MICAL1: variants seen among roughly 807,000 people sequenced by gnomAD.
MICAL1 encodes microtubule associated monooxygenase, calponin and LIM domain containing 1.
Under a neutral mutation model 131.8 loss-of-function variants are expected in MICAL1, and 95 were observed. That is an observed-to-expected ratio of 0.72 (90% CI 0.61 to 0.86). The LOEUF is 0.86. Among genes scored for constraint, MICAL1 ranks in the 40% least tolerant of loss-of-function variants. The probability of loss-of-function intolerance (pLI) is 0.00; values close to 1 mark genes in which losing one functional copy is unlikely to be tolerated. For missense variants in MICAL1, 1,292 were observed against 1,380.6 expected (o/e 0.94, Z 1.02); for synonymous variants, 546 against 554.2 (o/e 0.99, Z 0.21).
At chr6:109,449,375 C>G in intron 11 of MICAL1, 25 bp downstream of exon 11, 10 of 1,613,946 alleles carry the variant, frequency 6.2e-6, no homozygotes, top group Non-Finnish European at 8.5e-6. Context: ...ATTTTGGTCA[C>G]CCCTTGGGAG....
rs572038876 is a variant in MICAL1 at position 109,449,231 on chromosome 6, G to A, written c.1516+169C>T. The A allele has an allele frequency of 3.5e-5, 27 of 763,060 alleles. No individual in the cohort carries two copies. In the East Asian group the frequency reaches 4.8e-4, roughly 14 times the overall value. The allele number at this position is 763,060 out of a possible 1,614,324, so 47.3% of individuals were successfully genotyped here. A position where few individuals can be genotyped will look rare whatever the true frequency, so the allele number is the denominator to read the frequency against. On this transcript the variant is annotated intron_variant, in intron 11 of 24. Coordinates refer to ENST00000358807, the MANE Select transcript of MICAL1 (RefSeq NM_022765.4). ...ACTGGCAGCCAACTGCTGCCTGTGC[G>A]GTGCTGCCCCTCCGTTCCTCCAGCA...
chr6:109,457,454 C>A (rs1054110818), upstream of MICAL1, among the ~76,000 whole-genome samples: 30 of 152,222 alleles, frequency 2.0e-4, no homozygotes, highest in African/African-American at 7.0e-4. Flanking sequence ...GAAGCTATGT[C>A]TTGTTTAGAG....
chr6:109,453,230 G>A, intron 4 of MICAL1, 33 bp downstream of exon 4: 5 of 1,542,616 alleles, frequency 3.2e-6, no homozygotes, highest in Non-Finnish European at 1.8e-6. Flanking sequence ...TGATGGGGGA[G>A]GGGGAGATTC....
chr6:109,449,421 C>A lies in MICAL1; in HGVS notation c.1495G>T (p.Asp499Tyr). ...EPVQRNNDKTDTGMPATGSAG... is the reference protein window; with the variant it reads ...EPVQRNNDKTYTGMPATGSAG... ...TCACCGGTGGCTGGCATCCCTGTAT[C>A]TGTCTTGTCGTTGTTCCTCTGCACA... Residue 499 changes from aspartate (D) to tyrosine (Y), a missense_variant, in exon 11 of 25, where the codon GAT becomes TAT. Physicochemically the swap from Asp to Tyr is radical, Grantham distance 160. Transcript: ENST00000358807. 1 of 1,614,214 alleles carries A rather than the reference C, an allele frequency of 6.2e-7. No homozygotes were observed. The highest frequency in any genetic ancestry group is 2.2e-5 in the East Asian group (1 of 44,884).
rs1361920068 is a variant in MICAL1 at position 109,455,425 on chromosome 6, C to A, written c.-44+294G>T. ...GAGGGTGGAAGGAGGAAGACCTCGGCGAAAGGGGAGAAAGGAGCGACCCAG... is the reference window on the plus strand; with the variant it reads ...GAGGGTGGAAGGAGGAAGACCTCGGAGAAAGGGGAGAAAGGAGCGACCCAG... On this transcript the variant is annotated intron_variant, in intron 1 of 24. Transcript: ENST00000358807. This position sits in a 1 kb window ranked among gnomAD's most constrained non-coding sequence, Gnocchi z 4.7. 6.6e-6 allele frequency among the ~76,000 whole-genome samples: 1 copy of A among 152,000 alleles called. No homozygotes were observed. The highest frequency in any genetic ancestry group is 1.5e-5 in the Non-Finnish European group (1 of 67,996).
chr6:109,445,151 G>C lies in MICAL1; in HGVS notation c.2881+46C>G, dbSNP rs199576263. The C allele has an allele frequency of 1.9e-6, 3 of 1,606,954 alleles. No homozygotes were observed. In the East Asian group the frequency reaches 6.7e-5, roughly 36 times the overall value. On this transcript the variant is annotated intron_variant, in intron 22 of 24. Transcript: ENST00000358807. ...CTCCTACGGGCTGGAGCGTGGAGCT[G>C]AACACAGTGCTAGAAGGCAGAGGGG...
chr6:109,445,605 A>AC, intron 20 of MICAL1, 76 bp from the exon 21 acceptor site: 1 of 1,574,780 alleles, frequency 6.4e-7, no homozygotes, highest in Non-Finnish European at 8.7e-7. Context: ...GAAAGGCAGA[A>AC]AATAACCCGT....
At chr6:109,457,544 A>G (rs1437263404), upstream of MICAL1, among the ~76,000 whole-genome samples, 1 of 29,982 alleles carries the variant, frequency 3.3e-5, no homozygotes, top group Admixed American at 3.3e-4. Context: ...TCCAGAGACC[A>G]TAAGAGATCC....
At position 109,448,890 on chromosome 6, in the gene MICAL1, A is replaced by G. The variant is rs748917266; in HGVS notation, c.1517-11T>C. On this transcript the variant is annotated splice_polypyrimidine_tract_variant and intron_variant, in intron 11 of 24. Coordinates refer to ENST00000358807, the MANE Select transcript of MICAL1 (RefSeq NM_022765.4). ...GGGTGCCTGCCGACCCTGGGAAAGA[A>G]GGCTGTGCTGTGCCCAAGGCCCCCT... 19 of 1,612,688 alleles carry G rather than the reference A, an allele frequency of 1.2e-5. No homozygotes were observed. The Admixed American group carries it at 3.2e-4, about 27-fold the overall frequency.
At chr6:109,462,148 A>G (rs1775904112) in intron 1 of MICAL1, among the ~76,000 whole-genome samples, 1 of 152,266 alleles carries the variant, frequency 6.6e-6, no homozygotes. Context: ...GAGGACATTA[A>G]TGTGGGCTGA....
At chr6:109,452,746 A>G (rs1775596989) in intron 4 of MICAL1, 131 bp from the exon 5 acceptor site, 1 of 649,034 alleles carries the variant, frequency 1.5e-6, no homozygotes, top group East Asian at 2.8e-5. Context: ...TATATTATCT[A>G]TCAGATTACA....
Position 109,455,351 on chromosome 6 carries a change from G to C in MICAL1, c.-44+368C>G, listed in dbSNP as rs530748027. On this transcript the variant is annotated intron_variant, in intron 1 of 24. Coordinates refer to ENST00000358807, the MANE Select transcript of MICAL1 (RefSeq NM_022765.4). The surrounding 1 kb of genome is among the most constrained non-coding windows in gnomAD (Gnocchi z 4.7). The stretch of plus-strand genomic sequence containing the variant: ...CTCCCGCTGCGGGTGGCCCGGACGA[G>C]GGCAGACGGAATCTCATGACGGAAG... 5.5e-3 allele frequency among the ~76,000 whole-genome samples: 830 copies of C among 152,292 alleles called. 5 individuals carry two copies. Among genetic ancestry groups the C allele is most frequent in the Non-Finnish European group, 7.0e-3 (479 of 68,012 alleles).
Position 109,449,774 on chromosome 6 carries a change from C to G in MICAL1, c.1317G>C (p.Leu439=). Residue 439 remains leucine (L), a synonymous_variant, in exon 10 of 25, where the codon CTG becomes CTC. Transcript: ENST00000358807. ...GGGATGTCTGTGACAGAAGCTGGTA[C>G]AGGCTCTCACTGAGGGGGTGAGGGT... ...SLEVLAERES[L]YQLLSQTSPE... 6.2e-7 allele frequency: 1 copy of G among 1,608,838 alleles called. No homozygotes were observed. The highest frequency in any genetic ancestry group is 2.2e-5 in the East Asian group (1 of 44,866).
chr6:109,448,987 A>C (rs1582644188), intron 11 of MICAL1, 108 bp from the exon 12 acceptor site: 1 of 1,424,808 alleles, frequency 7.0e-7, no homozygotes. Flanking sequence ...GGAGTCAGGG[A>C]CCCACCTCTA....
chr6:109,444,104 G>A lies in MICAL1; in HGVS notation c.*87C>T. On this transcript the variant is annotated 3_prime_UTR_variant, in exon 25 of 25. Coordinates refer to ENST00000358807, the MANE Select transcript of MICAL1 (RefSeq NM_022765.4). Reference sequence around the variant, plus strand: ...TTAATTGTAAACAGCAAGGCTCTCTGCCAGGCAGCCCAGATGAACAGGGGT... The same window carrying A: ...TTAATTGTAAACAGCAAGGCTCTCTACCAGGCAGCCCAGATGAACAGGGGT... 5 of 1,534,744 alleles carry A rather than the reference G, an allele frequency of 3.3e-6. No homozygotes were observed. Among genetic ancestry groups the A allele is most frequent in the South Asian group, 1.2e-5 (1 of 83,200 alleles).
chr6:109,450,916 C>T (rs1241049175), intron 7 of MICAL1, among the ~76,000 whole-genome samples: 3 of 152,172 alleles, frequency 2.0e-5, no homozygotes, highest in Non-Finnish European at 4.4e-5. Flanking sequence ...AAATTTAACT[C>T]TCAACACAGT....
upstream of MICAL1, among the ~76,000 whole-genome samples, chr6:109,458,688 A>ATCC (rs1185443961): frequency 6.6e-6 from 1 of 152,142 alleles, no homozygotes; most frequent in Non-Finnish European, 1.5e-5. Flanking sequence ...TTACGACAGG[A>ATCC]TCCTCCTTCC....
At chr6:109,459,204 G>T (rs1051991206), upstream of MICAL1, among the ~76,000 whole-genome samples, 1 of 152,180 alleles carries the variant, frequency 6.6e-6, no homozygotes, top group African/African-American at 2.4e-5. Context: ...CAGAGACACG[G>T]TCATATTTAT....
rs2277113 is a variant in MICAL1 at position 109,454,233 on chromosome 6, T to C, written c.-37A>G. ...GGGGAGGGCAGCAGCTGGGCAGAGA[T>C]GAGTGGCTGGAGAGGTGGAAAAAGA... On this transcript the variant is annotated 5_prime_UTR_variant, in exon 2 of 25. Coordinates refer to ENST00000358807, the MANE Select transcript of MICAL1 (RefSeq NM_022765.4). 692,962 of 1,561,416 alleles carry C rather than the reference T, an allele frequency of 0.44. 158,194 individuals carry two copies. The highest frequency in any genetic ancestry group is 0.71 in the African/African-American group (52,520 of 73,484).
Sources: allele counts gnomAD v4.1 joint callset (sites outside exome capture counted in the v4.1 genomes callset), GRCh38; gene constraint gnomAD v4.1.1; non-coding constraint Gnocchi (gnomAD v3.1); transcripts MANE v1.5; gene names NCBI Gene and HGNC (gene_info 2026-07-23, HGNC 2026-07-21).